The following SEC23IP variants were observed in gnomAD, a reference collection of about 807,000 sequenced individuals.
SEC23IP encodes the protein SEC23-interacting protein.
Under a neutral mutation model 113.4 loss-of-function variants are expected in SEC23IP, and 70 were observed. The observed-to-expected ratio is 0.62, with a 90% confidence interval of 0.51 to 0.75. The LOEUF (loss-of-function observed/expected upper bound fraction) is 0.75. Ranked by LOEUF, SEC23IP falls within the 30% of genes least tolerant of loss-of-function variation. The pLI, the probability that SEC23IP is intolerant of heterozygous loss-of-function variation, is 0.00. For missense variants in SEC23IP, 1,160 were observed against 1,204.9 expected (o/e 0.96, Z 0.55); for synonymous variants, 398 against 421.0 (o/e 0.95, Z 0.67).
chr10:119,919,103 C>T (rs1465656554), intron 10 of SEC23IP, among the ~76,000 whole-genome samples: 2 of 151,100 alleles, frequency 1.3e-5, no homozygotes, highest in African/African-American at 4.9e-5. Context: ...AAGCGATTCT[C>T]CTGCCTCAGC....
chr10:119,914,239 T>C (rs1273570731), intron 6 of SEC23IP, among the ~76,000 whole-genome samples: 1 of 152,228 alleles, frequency 6.6e-6, no homozygotes, highest in Non-Finnish European at 1.5e-5. Context: ...ATTGCCTGCT[T>C]TGGTGTATGT....
intron 18 of SEC23IP, among the ~76,000 whole-genome samples, chr10:119,937,618 T>G (rs1855838277): frequency 6.6e-6 from 1 of 150,488 alleles, no homozygotes; most frequent in Non-Finnish European, 1.5e-5. Context: ...AGAGCGAGAC[T>G]CCGTCTAAAA....
intron 4 of SEC23IP, among the ~76,000 whole-genome samples, chr10:119,908,072 C>A (rs986277525): frequency 1.3e-5 from 2 of 152,106 alleles, no homozygotes; most frequent in Non-Finnish European, 2.9e-5. Flanking sequence ...AGGTTTTATG[C>A]AAAAATAATG....
rs1856018754 is a variant in SEC23IP, at chr10:119,943,912, G to A, written c.*3347G>A. 1 of 152,222 alleles carries A rather than the reference G, an allele frequency of 6.6e-6. No homozygotes were observed. The highest frequency in any genetic ancestry group is 2.4e-5 in the African/African-American group (1 of 41,450). The allele number at this position is 152,222 out of a possible 1,614,324, so 9.4% of individuals were successfully genotyped here. On this transcript the variant is annotated 3_prime_UTR_variant, in exon 19 of 19. Transcript: ENST00000369075. ...ATGGACAGGTGGGACTGGTGTGGTT[G>A]GGATAACCCACCATGTTTGTCTTTC... is the stretch of plus-strand genomic sequence containing the variant.
intron 4 of SEC23IP, among the ~76,000 whole-genome samples, chr10:119,905,577 G>A (rs898912788): frequency 3.3e-5 from 5 of 152,160 alleles, no homozygotes; most frequent in Non-Finnish European, 5.9e-5. Flanking sequence ...TGAGAAAGCC[G>A]ATAATAGAAA....
chr10:119,920,843 T>C (rs1351270371), intron 11 of SEC23IP, 46 bp from the exon 12 acceptor site: 1 of 1,264,922 alleles, frequency 7.9e-7, no homozygotes, highest in Non-Finnish European at 1.1e-6. Flanking sequence ...ATTTCAGTTC[T>C]TCTATCACTA....
chr10:119,900,273 G>T (rs1273612069), intron 2 of SEC23IP, among the ~76,000 whole-genome samples: 1 of 144,908 alleles, frequency 6.9e-6, no homozygotes, highest in East Asian at 2.1e-4. Flanking sequence ...ATATGTACGT[G>T]TGTGTGTATG....
intron 4 of SEC23IP, among the ~76,000 whole-genome samples, chr10:119,907,194 G>C (rs1200199371): frequency 1.3e-5 from 2 of 151,962 alleles, no homozygotes; most frequent in East Asian, 3.9e-4. Flanking sequence ...TACTCAGGAG[G>C]CTGAGGCAGG....
At chr10:119,909,967 A>G (rs778293395) in intron 5 of SEC23IP, among the ~76,000 whole-genome samples, 11 of 152,182 alleles carry the variant, frequency 7.2e-5, no homozygotes, top group Non-Finnish European at 1.6e-4. Flanking sequence ...GCAATGTAGA[A>G]GTTGCTTGAT....
chr10:119,937,335 G>A (rs1013434116), intron 18 of SEC23IP, among the ~76,000 whole-genome samples: 2 of 151,352 alleles, frequency 1.3e-5, no homozygotes, highest in Non-Finnish European at 2.9e-5. Flanking sequence ...TTAAAAATAC[G>A]TAGCCCTACG....
chr10:119,913,667 T>C (rs1035563073), intron 6 of SEC23IP, among the ~76,000 whole-genome samples: 3 of 151,820 alleles, frequency 2.0e-5, no homozygotes, highest in Non-Finnish European at 4.4e-5. Context: ...AATTTTTGTA[T>C]TTTTAGTGGA....
Position 119,943,355 on chromosome 10 carries a change from G to A in SEC23IP, c.*2790G>A, listed in dbSNP as rs1418531546. The A allele has an allele frequency of 2.0e-5, 3 of 152,128 alleles. No homozygotes were observed. Among genetic ancestry groups the A allele is most frequent in the Middle Eastern group, 3.2e-3 (1 of 314 alleles). 9.4% of individuals were successfully genotyped at this position (152,128 alleles called of 1,614,324 possible). On this transcript the variant is annotated 3_prime_UTR_variant, in exon 19 of 19. Coordinates refer to ENST00000369075, the MANE Select transcript of SEC23IP (RefSeq NM_007190.4). ...GCTGTTGACTGTCCCTGCGGTGCAC[G>A]GGACAGACTGTCAGCTAACCTGTCT...
At chr10:119,896,776 GT>G (rs112744838) in intron 1 of SEC23IP, among the ~76,000 whole-genome samples, 13,541 of 145,328 alleles carry the variant, frequency 0.093, 993 homozygotes, top group African/African-American at 0.2. Flanking sequence ...ATACCACTGA[GT>G]TTTTTTTTTT....
At chr10:119,902,342 G>A (rs529914301) in intron 2 of SEC23IP, among the ~76,000 whole-genome samples, 75 of 152,236 alleles carry the variant, frequency 4.9e-4, no homozygotes, top group African/African-American at 1.6e-3. Context: ...AGCAAACTCC[G>A]CCTCACACAC....
chr10:119,902,150 A>C (rs1334540313), intron 2 of SEC23IP, among the ~76,000 whole-genome samples: 2 of 152,262 alleles, frequency 1.3e-5, no homozygotes, highest in African/African-American at 4.8e-5. Flanking sequence ...TGAGGTTGGG[A>C]GTTCGCAACC....
intron 15 of SEC23IP, 75 bp downstream of exon 15, chr10:119,930,506 T>A: frequency 1.2e-6 from 1 of 820,476 alleles, no homozygotes; most frequent in Non-Finnish European, 2.0e-6. Flanking sequence ...ATTTTGACAC[T>A]AAATCGTCTC....
intron 12 of SEC23IP, among the ~76,000 whole-genome samples, chr10:119,924,030 C>T (rs530523920): frequency 1.3e-5 from 2 of 152,270 alleles, no homozygotes; most frequent in African/African-American, 4.8e-5. Flanking sequence ...AAGTGAGGAA[C>T]CCTGAAAATG....
intron 1 of SEC23IP, among the ~76,000 whole-genome samples, chr10:119,897,658 G>A (rs1400030398): frequency 6.6e-6 from 1 of 152,096 alleles, no homozygotes; most frequent in Non-Finnish European, 1.5e-5. Context: ...TATTTGGGTA[G>A]TCGAGTAACA....
chr10:119,899,109 C>T lies in SEC23IP; in HGVS notation c.696+150C>T, dbSNP rs1854391313. 4 of 719,212 alleles carry T rather than the reference C, an allele frequency of 5.6e-6. No individual in the cohort carries two copies. The Middle Eastern group carries it at 1.2e-3, about 216-fold the overall frequency. The allele number at this position is 719,212 out of a possible 1,614,324, so 44.6% of individuals were successfully genotyped here. A position where few individuals can be genotyped will look rare whatever the true frequency, so the allele number is the denominator to read the frequency against. On this transcript the variant is annotated intron_variant, in intron 2 of 18. Transcript: ENST00000369075. ...TTCTTTGTAAGCTACATGAAGTAAA[C>T]ATTGTCTTAAAGATAGCTTATTGGA...
Sources: gnomAD v4.1 joint callset for allele counts (sites outside exome capture counted in the v4.1 genomes callset) on GRCh38, gnomAD v4.1.1 for gene constraint, MANE v1.5 for transcripts, NCBI Gene and HGNC (gene_info 2026-07-23, HGNC 2026-07-21) for gene names.